BAZ2B: variants seen among roughly 807,000 people sequenced by gnomAD.
BAZ2B encodes the protein bromodomain adjacent to zinc finger domain protein 2B.
In BAZ2B, 91 loss-of-function variants were observed where a neutral mutation model predicts 246.0. The ratio of observed to expected loss-of-function variants is 0.37; its 90% CI spans 0.31 to 0.44. The LOEUF (loss-of-function observed/expected upper bound fraction) is 0.44, where lower values mean the gene tolerates loss of function less well. Among genes scored for constraint, BAZ2B ranks in the 20% least tolerant of loss-of-function variants. BAZ2B has a pLI of 1.00. For synonymous variants in BAZ2B, 855 were observed against 860.0 expected (o/e 0.99, Z 0.10); for missense variants, 2,332 against 2,533.7 (o/e 0.92, Z 1.71).
chr2:159,370,898 T>A (rs1337174375), intron 27 of BAZ2B, among the ~76,000 whole-genome samples: 2 of 151,384 alleles, frequency 1.3e-5, no homozygotes, highest in Non-Finnish European at 2.9e-5. Flanking sequence ...CCTTGCCTCC[T>A]GGCTTCAAGC....
chr2:159,359,841 C>G (rs2059496842), intron 27 of BAZ2B, among the ~76,000 whole-genome samples: 1 of 152,082 alleles, frequency 6.6e-6, no homozygotes, highest in Non-Finnish European at 1.5e-5. Flanking sequence ...ATAAACAGGA[C>G]CAATGACAAA....
At chr2:159,662,203 T>C in the BAZ2B span, among the ~76,000 whole-genome samples, 194 of 152,348 alleles carry the variant, frequency 1.3e-3, no homozygotes, top group African/African-American at 4.4e-3. Flanking sequence ...TAATATTCCA[T>C]TGGATAGATT....
the BAZ2B span, among the ~76,000 whole-genome samples, chr2:159,660,273 T>C: frequency 6.6e-6 from 1 of 152,230 alleles, no homozygotes; most frequent in South Asian, 2.1e-4. Flanking sequence ...GAGTCAACCA[T>C]CTTGTACCAT....
intron 2 of BAZ2B, among the ~76,000 whole-genome samples, chr2:159,502,217 T>G (rs1406141086): frequency 2.0e-5 from 3 of 152,088 alleles, no homozygotes; most frequent in African/African-American, 7.2e-5. Flanking sequence ...GATTATGAAA[T>G]GTTTTAACTG....
intron 36 of BAZ2B, among the ~76,000 whole-genome samples, 178 bp downstream of exon 36, chr2:159,324,625 TACACACAC>T (rs60009917): frequency 0.056 from 7,386 of 132,452 alleles, 246 homozygotes; most frequent in Middle Eastern, 0.12. Context: ...TCTAACCAAA[TACACACAC>T]ACACACACAC....
intron 13 of BAZ2B, among the ~76,000 whole-genome samples, chr2:159,413,013 A>G (rs2067068029): frequency 6.6e-6 from 1 of 152,212 alleles, no homozygotes; most frequent in Admixed American, 6.5e-5. Context: ...GAATATCAGG[A>G]TTCTGCAATA....
At chr2:159,590,960 C>G (rs1689266503) in intron 1 of BAZ2B, among the ~76,000 whole-genome samples, 1 of 152,080 alleles carries the variant, frequency 6.6e-6, no homozygotes, top group Non-Finnish European at 1.5e-5. Context: ...AAACATATAA[C>G]ATTAAATATG....
chr2:159,642,202 T>A, the BAZ2B span, among the ~76,000 whole-genome samples: 1 of 151,796 alleles, frequency 6.6e-6, no homozygotes, highest in African/African-American at 2.4e-5. Context: ...TTCCATAGAT[T>A]GATTGTTTTC....
At chr2:159,469,049 CAAA>C (rs560336551) in intron 3 of BAZ2B, among the ~76,000 whole-genome samples, 2 of 62,618 alleles carry the variant, frequency 3.2e-5, no homozygotes. Flanking sequence ...GACTCTGTCT[CAAA>C]AAAAAAAAAA....
the BAZ2B span, among the ~76,000 whole-genome samples, chr2:159,626,959 G>A: frequency 6.6e-6 from 1 of 151,944 alleles, no homozygotes; most frequent in Non-Finnish European, 1.5e-5. Flanking sequence ...GAATCAAATG[G>A]ACGCAATAAA....
At chr2:159,499,702 A>G (rs1335423413) in intron 2 of BAZ2B, among the ~76,000 whole-genome samples, 1 of 152,154 alleles carries the variant, frequency 6.6e-6, no homozygotes, top group Non-Finnish European at 1.5e-5. Context: ...TGACTTTTTA[A>G]TAATAGCCAT....
At chr2:159,479,377 A>G (rs2078996875) in intron 2 of BAZ2B, among the ~76,000 whole-genome samples, 2 of 152,192 alleles carry the variant, frequency 1.3e-5, no homozygotes, top group African/African-American at 4.8e-5. Flanking sequence ...TTTTATTGCA[A>G]TAACTAATGC....
chr2:159,361,812 G>A (rs559875401), intron 27 of BAZ2B, among the ~76,000 whole-genome samples: 1 of 152,226 alleles, frequency 6.6e-6, no homozygotes, highest in South Asian at 2.1e-4. Context: ...GCAGGGACAT[G>A]GATGAAGCTG....
chr2:159,490,822 G>A (rs978883068), intron 2 of BAZ2B, among the ~76,000 whole-genome samples: 5 of 152,048 alleles, frequency 3.3e-5, no homozygotes, highest in Non-Finnish European at 5.9e-5. Context: ...ACTGTGCTTT[G>A]GTTAGCACAT....
Position 159,430,975 on chromosome 2 carries a change from G to C in BAZ2B, c.2082C>G (p.Asn694Lys), listed in dbSNP as rs764139090. 3.7e-6 allele frequency: 6 copies of C among 1,614,028 alleles called. No individual in the cohort carries two copies. In the South Asian group the frequency reaches 6.6e-5, roughly 18 times the overall value. The part of the protein sequence containing the change: ...MSLTGHSTPR[N>K]LHIAKAPGSA... ...AGCCTGGGGCTTTTGCTATGTGGAG[G>C]TTACGAGGTGTTGAGTGACCTGTGA... The change falls in exon 10 of 37, where the codon AAC becomes AAG. Residue 694 changes from asparagine to lysine, a missense_variant. This residue lies in a region of BAZ2B where 651 missense variants were observed against 650.9 expected (regional missense o/e 1.00). Transcript: ENST00000392783.
intron 33 of BAZ2B, among the ~76,000 whole-genome samples, chr2:159,333,644 A>G (rs2065146364): frequency 6.6e-6 from 1 of 152,190 alleles, no homozygotes; most frequent in Non-Finnish European, 1.5e-5. Flanking sequence ...ACCAGAAATC[A>G]TTTAAACTAC....
chr2:159,702,590 G>C, the BAZ2B span, among the ~76,000 whole-genome samples: 1 of 152,018 alleles, frequency 6.6e-6, no homozygotes, highest in Non-Finnish European at 1.5e-5. Context: ...AAAGCATTTG[G>C]TTATTAACAC....
intron 25 of BAZ2B, among the ~76,000 whole-genome samples, 165 bp from the exon 26 acceptor site, chr2:159,374,918 T>TA (rs1369370989): frequency 5.3e-5 from 8 of 152,020 alleles, no homozygotes; most frequent in South Asian, 4.2e-4. Context: ...ACATTATGTT[T>TA]AAAAAAAACA....
chr2:159,540,042 T>A (rs1366330486), intron 2 of BAZ2B, among the ~76,000 whole-genome samples: 1 of 152,198 alleles, frequency 6.6e-6, no homozygotes, highest in Non-Finnish European at 1.5e-5. Context: ...GGAGCTCTTA[T>A]CAATAATTGA....
Sources: allele counts gnomAD v4.1 joint callset (sites outside exome capture counted in the v4.1 genomes callset), GRCh38; gene constraint gnomAD v4.1.1; regional missense constraint gnomAD v4.1.1; transcripts MANE v1.5; gene names NCBI Gene and HGNC (gene_info 2026-07-23, HGNC 2026-07-21).